The following MYLK3 variants were observed in gnomAD, a reference collection of about 807,000 sequenced individuals.
The protein encoded by MYLK3 is myosin light chain kinase 3, also known as MLC kinase.
MYLK3 carries 55 observed loss-of-function variants against 76.3 expected under a neutral mutation model. The observed-to-expected ratio is 0.72, with a 90% CI of 0.58 to 0.90. MYLK3 has a LOEUF of 0.90. Ranked by LOEUF, MYLK3 falls within the 40% of genes least tolerant of loss-of-function variation. The pLI is 0.00. For missense variants in MYLK3, 973 were observed against 1,053.6 expected, an observed-to-expected ratio of 0.92 and a Z score of 1.06; for synonymous variants, 416 against 425.4, an observed-to-expected ratio of 0.98 and a Z score of 0.27.
intron 12 of MYLK3, among the ~76,000 whole-genome samples, chr16:46,708,136 G>A (rs1332421665): frequency 6.6e-6 from 1 of 151,984 alleles, no homozygotes; most frequent in African/African-American, 2.4e-5. Flanking sequence ...CTCCCAAGTA[G>A]CTGGGACTAC....
chr16:46,747,248 A>G (rs974671659), intron 1 of MYLK3, among the ~76,000 whole-genome samples: 2 of 152,098 alleles, frequency 1.3e-5, no homozygotes, highest in African/African-American at 4.8e-5. Flanking sequence ...TCGTCTCCCC[A>G]CAGGCAGCTG....
chr16:46,716,553 T>C (rs1966742889), intron 9 of MYLK3, among the ~76,000 whole-genome samples: 1 of 151,486 alleles, frequency 6.6e-6, no homozygotes, highest in Non-Finnish European at 1.5e-5. Context: ...TCCTGGCTTC[T>C]AACTTGCATA....
intron 7 of MYLK3, among the ~76,000 whole-genome samples, chr16:46,727,960 G>T (rs1001267236): frequency 6.6e-6 from 1 of 152,222 alleles, no homozygotes; most frequent in Admixed American, 6.5e-5. Flanking sequence ...CACTCTGGAT[G>T]ATTCTGACCA....
At chr16:46,731,598 G>A (rs1567286657) in intron 4 of MYLK3, among the ~76,000 whole-genome samples, 1 of 148,102 alleles carries the variant, frequency 6.8e-6, no homozygotes, top group Non-Finnish European at 1.5e-5. Context: ...GACCAAGGAG[G>A]GTGTGACCCT....
At chr16:46,717,583 T>A (rs1217111663) in intron 9 of MYLK3, among the ~76,000 whole-genome samples, 1 of 151,612 alleles carries the variant, frequency 6.6e-6, no homozygotes, top group African/African-American at 2.4e-5. Context: ...AGCCCATAAC[T>A]CACAGGGCGC....
chr16:46,744,874 T>C (rs1473484448), intron 1 of MYLK3, among the ~76,000 whole-genome samples: 1 of 152,148 alleles, frequency 6.6e-6, no homozygotes, highest in Admixed American at 6.5e-5. Context: ...CTTTTTTAGG[T>C]GTGATGATAG....
chr16:46,715,964 G>T (rs1175410498), intron 9 of MYLK3, among the ~76,000 whole-genome samples: 2 of 152,128 alleles, frequency 1.3e-5, no homozygotes, highest in South Asian at 2.1e-4. Flanking sequence ...GGCCAGTTTG[G>T]CAAAAAACAA....
intron 1 of MYLK3, among the ~76,000 whole-genome samples, chr16:46,740,526 T>C (rs577270734): frequency 1.4e-5 from 1 of 72,324 alleles, no homozygotes; most frequent in East Asian, 4.1e-4. Flanking sequence ...TAAATATATA[T>C]ATATACATAC....
At chr16:46,735,632 G>A (rs551051089) in intron 3 of MYLK3, among the ~76,000 whole-genome samples, 1 of 152,304 alleles carries the variant, frequency 6.6e-6, no homozygotes, top group East Asian at 1.9e-4. Context: ...TGACTCACTG[G>A]GTGGGAGGTA....
At chr16:46,754,913 T>C (rs1013781216) in intron 1 of MYLK3, among the ~76,000 whole-genome samples, 5 of 152,066 alleles carry the variant, frequency 3.3e-5, no homozygotes, top group African/African-American at 1.2e-4. Flanking sequence ...TTTTTTTTTT[T>C]TGAGACATGG....
chr16:46,748,037 T>C lies in MYLK3; in HGVS notation c.157A>G (p.Met53Val). 1 of 1,614,144 alleles carries C rather than the reference T, an allele frequency of 6.2e-7. No homozygotes were observed. The change falls in exon 1 of 13, where the codon ATG becomes GTG. Residue 53 changes from methionine to valine, a missense_variant. Around this residue, in one of 2 missense-constraint regions of MYLK3, gnomAD observed 641 missense variants for 637.0 expected, o/e 1.01. Transcript: ENST00000394809. The surrounding 1 kb of genome is among the most constrained non-coding windows in gnomAD (Gnocchi z 4.3). ...TCCAGGTGGCCCATGTCTCGGCACA[T>C]GCTCTGCAACTTCTCTGTGACATCT... is the stretch of plus-strand genomic sequence containing the variant. ...QEDVTEKLQS[M>V]CRDMGHLERG...
chr16:46,758,328 T>A (rs903793610), intron 1 of MYLK3, among the ~76,000 whole-genome samples: 4 of 150,516 alleles, frequency 2.7e-5, no homozygotes, highest in Non-Finnish European at 4.4e-5. Context: ...TCTCTCTCTC[T>A]CTCTCTCTCT....
At chr16:46,736,948 C>T (rs879564347) in intron 3 of MYLK3, among the ~76,000 whole-genome samples, 8 of 152,184 alleles carry the variant, frequency 5.3e-5, no homozygotes, top group Non-Finnish European at 1.0e-4. Flanking sequence ...CCTCAGGCTG[C>T]GTTCTAGGGG....
chr16:46,747,328 G>A (rs1259755230), intron 1 of MYLK3, among the ~76,000 whole-genome samples: 1 of 152,176 alleles, frequency 6.6e-6, no homozygotes, highest in Non-Finnish European at 1.5e-5. Flanking sequence ...TTCTGAGCAG[G>A]GCTCCATCAG....
chr16:46,751,715 G>C (rs1012894404), upstream of MYLK3, among the ~76,000 whole-genome samples: 3 of 152,228 alleles, frequency 2.0e-5, no homozygotes, highest in African/African-American at 7.2e-5. Flanking sequence ...AATCCGGGAA[G>C]GGAGCTCCAG....
In MYLK3 at chr16:46,740,133, C is replaced by T; in HGVS notation, c.492G>A (p.Val164=). ...GDSPEENKER[V]EEEGGKPKHV... ...GCTTTGGTTTTCCTCCCTCTTCTTC[C>T]ACTCGCTCTTTATTCTAAAATAACA... The change falls in exon 2 of 13, where the codon GTG becomes GTA. Residue 164 remains valine, a synonymous_variant. Coordinates refer to ENST00000394809, the MANE Select transcript of MYLK3 (RefSeq NM_182493.3). 1.9e-6 allele frequency: 3 copies of T among 1,613,682 alleles called. No individual in the cohort carries two copies. The highest frequency in any genetic ancestry group is 2.5e-6 in the Non-Finnish European group (3 of 1,179,740).
intron 12 of MYLK3, 43 bp downstream of exon 12, chr16:46,709,496 T>A (rs1452440254): frequency 6.3e-7 from 1 of 1,590,710 alleles, no homozygotes. Flanking sequence ...AAGGACAGAT[T>A]AGGATGACAA....
chr16:46,732,478 T>C lies in MYLK3; in HGVS notation c.1192A>G (p.Arg398Gly). 6.2e-7 allele frequency: 1 copy of C among 1,610,240 alleles called. No individual in the cohort carries two copies. Among genetic ancestry groups the C allele is most frequent in the South Asian group, 1.1e-5 (1 of 91,072 alleles). Residue 398 changes from arginine (R) to glycine (G), a missense_variant, in exon 4 of 13, where the codon AGA becomes GGA. By Grantham distance (125) the Arg-to-Gly change is moderately radical (BLOSUM62 -2). Transcript: ENST00000394809. ...CTCTCCTGCAGCGGGGAGAGCTCTC[T>C]GGCTCCTTCAGGGGTCTGTTCTCCG... ...EPGEQTPEGA[R>G]ELSPLQESSS...
chr16:46,756,304 G>A (rs1967200190), intron 1 of MYLK3, among the ~76,000 whole-genome samples: 1 of 152,212 alleles, frequency 6.6e-6, no homozygotes, highest in Admixed American at 6.5e-5. Flanking sequence ...CCTTTATTAA[G>A]TAAAAGCAGT....
Sources: allele counts gnomAD v4.1 joint callset (sites outside exome capture counted in the v4.1 genomes callset), GRCh38; gene constraint gnomAD v4.1.1; regional missense constraint gnomAD v4.1.1; non-coding constraint Gnocchi (gnomAD v3.1); transcripts MANE v1.5; gene names NCBI Gene and HGNC (gene_info 2026-07-23, HGNC 2026-07-21).